FBXO3: variants seen among roughly 807,000 people sequenced by gnomAD.
FBXO3 encodes the protein F-box only protein 3.
FBXO3 carries 17 observed loss-of-function variants against 64.8 expected under a neutral mutation model. The observed-to-expected ratio is 0.26, with a 90% CI of 0.18 to 0.39. The LOEUF (loss-of-function observed/expected upper bound fraction) is 0.39. Ranked by LOEUF, FBXO3 falls within the 10% of genes least tolerant of loss-of-function variation. The pLI is 1.00. For synonymous variants in FBXO3, 182 were observed against 201.6 expected (o/e 0.90, Z 0.82); for missense variants, 420 against 589.9 (o/e 0.71, Z 2.98).
rs1274092456 is a variant in FBXO3, at chr11:33,755,789, T to C, written c.660A>G (p.Glu220=). ...VEAAEGRNKN[E]VFYQCPDQMA... ...TACTTACTGGACATTGGTAGAAAACTTCATTTTTGTTTCGGCCCTCTGCAG... is the reference window on the plus strand; with the variant it reads ...TACTTACTGGACATTGGTAGAAAACCTCATTTTTGTTTCGGCCCTCTGCAG... Residue 220 remains glutamate (E), a synonymous_variant, in exon 5 of 11, where the codon GAA becomes GAG. Coordinates refer to ENST00000265651, the MANE Select transcript of FBXO3 (RefSeq NM_012175.4). 1 of 1,613,946 alleles carries C rather than the reference T, an allele frequency of 6.2e-7. No homozygotes were observed. The highest frequency in any genetic ancestry group is 1.7e-5 in the Admixed American group (1 of 60,026).
chr11:33,745,248 T>C (rs760539217), intron 10 of FBXO3: 4 of 151,352 alleles, frequency 2.6e-5, no homozygotes, highest in Non-Finnish European at 5.9e-5. Context: ...ACTATAATTA[T>C]ATTTGGAGAT....
chr11:33,758,962 A>G (rs1855176649), intron 3 of FBXO3, among the ~76,000 whole-genome samples: 1 of 152,046 alleles, frequency 6.6e-6, no homozygotes, highest in Non-Finnish European at 1.5e-5. Flanking sequence ...GAAGTTCTCT[A>G]AACTGATGTT....
At chr11:33,770,699 C>T (rs1301360338) in intron 2 of FBXO3, 42 bp downstream of exon 2, 1 of 1,494,708 alleles carries the variant, frequency 6.7e-7, no homozygotes, top group African/African-American at 1.4e-5. Flanking sequence ...TGGAAGAAGC[C>T]AAGGGCCAGT....
intron 3 of FBXO3, among the ~76,000 whole-genome samples, chr11:33,761,904 A>G (rs2133613739): frequency 6.6e-6 from 1 of 152,318 alleles, no homozygotes; most frequent in East Asian, 1.9e-4. Context: ...GGAGAGGCAC[A>G]TTGAATCTGA....
chr11:33,746,894 G>T, intron 10 of FBXO3: 2 of 1,422,712 alleles, frequency 1.4e-6, no homozygotes, highest in South Asian at 3.2e-5. Context: ...TTAGGCCACT[G>T]AACAGTGAAA....
At chr11:33,759,909 A>G (rs933983601) in intron 3 of FBXO3, among the ~76,000 whole-genome samples, 1 of 152,208 alleles carries the variant, frequency 6.6e-6, no homozygotes, top group African/African-American at 2.4e-5. Context: ...CTAAAATAAG[A>G]ATACACTGAA....
At chr11:33,752,458 T>C (rs1854985023) in intron 6 of FBXO3, among the ~76,000 whole-genome samples, 1 of 152,238 alleles carries the variant, frequency 6.6e-6, no homozygotes. Flanking sequence ...TTCTACACTC[T>C]GTCACACTGA....
chr11:33,766,367 TG>T (rs559015028), intron 3 of FBXO3, among the ~76,000 whole-genome samples: 71 of 152,350 alleles, frequency 4.7e-4, no homozygotes, highest in Middle Eastern at 3.4e-3. Flanking sequence ...CCTGGCCTGC[TG>T]CCTCCTTGAA....
At position 33,748,851 on chromosome 11, in the gene FBXO3, T is replaced by G; in HGVS notation, c.974A>C (p.Gln325Pro). 6.2e-7 allele frequency: 1 copy of G among 1,613,894 alleles called. No individual in the cohort carries two copies. The highest frequency in any genetic ancestry group is 1.1e-5 in the South Asian group (1 of 91,080). ...TATTCTCCAATAGCGACTGTCCAAC[T>G]GACAGGCCTTCTCAGGAAGTGCATC... ...SKDALPEKAC[Q>P]LDSRYWRITN... Residue 325 changes from glutamine to proline, a missense_variant, in exon 9 of 11, where the codon CAG becomes CCG. By Grantham distance (76) the Gln-to-Pro change is moderately conservative (BLOSUM62 -1). Transcript: ENST00000265651.
At chr11:33,756,382 C>T (rs1231289874) in intron 4 of FBXO3, among the ~76,000 whole-genome samples, 4 of 152,178 alleles carry the variant, frequency 2.6e-5, no homozygotes, top group African/African-American at 9.7e-5. Context: ...TGCAACCAGA[C>T]AGTATAAATG....
chr11:33,746,984 C>G, intron 10 of FBXO3, 146 bp downstream of exon 10: 2 of 1,481,654 alleles, frequency 1.3e-6, no homozygotes, highest in Non-Finnish European at 1.8e-6. Flanking sequence ...TTTCTCTCAA[C>G]AAATTCACAT....
chr11:33,746,523 C>A, intron 10 of FBXO3: 1 of 578,876 alleles, frequency 1.7e-6, no homozygotes, highest in Non-Finnish European at 3.1e-6. Context: ...GATTCAACAC[C>A]TACAACTCAA....
In FBXO3 at chr11:33,755,917, C is replaced by T. The variant is rs754213126; in HGVS notation, c.532G>A (p.Asp178Asn). 1 of 1,614,118 alleles carries T rather than the reference C, an allele frequency of 6.2e-7. No individual in the cohort carries two copies. The highest frequency in any genetic ancestry group is 8.5e-7 in the Non-Finnish European group (1 of 1,180,022). ...TGCTGGAATCCTCCGGCAGCTGTAT[C>T]GACGTCTAACAAATCTTCAGAACGA... is the stretch of plus-strand genomic sequence containing the variant. ...HYRSEDLLDV[D>N]TAAGGFQQRQ... Residue 178 changes from aspartate to asparagine, a missense_variant, in exon 5 of 11, where the codon GAT (aspartate) becomes AAT (asparagine). By Grantham distance (23) the Asp-to-Asn change is conservative (BLOSUM62 1). Around this residue, in one of 3 missense-constraint regions of FBXO3, gnomAD observed 337 missense variants for 518.4 expected, o/e 0.65. Coordinates refer to ENST00000265651, the MANE Select transcript of FBXO3 (RefSeq NM_012175.4).
chr11:33,754,919 G>A (rs1029024831), intron 5 of FBXO3, among the ~76,000 whole-genome samples: 5 of 149,536 alleles, frequency 3.3e-5, no homozygotes, highest in African/African-American at 1.2e-4. Flanking sequence ...AGGCTGGAGT[G>A]CAGTGGCTCG....
intron 4 of FBXO3, among the ~76,000 whole-genome samples, chr11:33,756,427 A>G (rs1855099382): frequency 6.6e-6 from 1 of 152,180 alleles, no homozygotes; most frequent in Non-Finnish European, 1.5e-5. Flanking sequence ...AGTTTCAAAA[A>G]CTTGGATGCC....
At chr11:33,764,951 G>A (rs1003640506) in intron 3 of FBXO3, among the ~76,000 whole-genome samples, 3 of 152,120 alleles carry the variant, frequency 2.0e-5, no homozygotes, top group Non-Finnish European at 4.4e-5. Flanking sequence ...TCCATCCTGA[G>A]TGACCGTCTC....
intron 4 of FBXO3, chr11:33,757,180 A>G: frequency 2.2e-6 from 1 of 450,304 alleles, no homozygotes; most frequent in Non-Finnish European, 4.4e-6. Flanking sequence ...GAACAGTGCA[A>G]AGTTCTCCTT....
Position 33,774,470 on chromosome 11 carries a change from G to A in FBXO3, c.28C>T (p.Pro10Ser), listed in dbSNP as rs142700187. Residue 10 changes from proline to serine, a missense_variant, in exon 1 of 11, where the codon CCG becomes TCG. By Grantham distance (74) the Pro-to-Ser change is moderately conservative. Transcript: ENST00000265651. Reference sequence around the variant, plus strand: ...GTGGGCAGCGACTCTAGGGTCAGCGGCGCCGTCTCGGTCTCCATGGCCGCC... The same window carrying A: ...GTGGGCAGCGACTCTAGGGTCAGCGACGCCGTCTCGGTCTCCATGGCCGCC... MAAMETETAPLTLESLPTDP... is the reference protein window; with the variant it reads MAAMETETASLTLESLPTDP... 191 of 1,586,912 alleles carry A rather than the reference G, an allele frequency of 1.2e-4. No homozygotes were observed. The highest frequency in any genetic ancestry group is 1.5e-4 in the Non-Finnish European group (180 of 1,167,376).
At position 33,748,835 on chromosome 11, in the gene FBXO3, A is replaced by G. The variant is rs779155609; in HGVS notation, c.990T>C (p.Tyr330=). The change falls in exon 9 of 11, where the codon TAT becomes TAC. Residue 330 remains tyrosine, a synonymous_variant. Coordinates refer to ENST00000265651, the MANE Select transcript of FBXO3 (RefSeq NM_012175.4). ...PEKACQLDSR[Y]WRITNAKGDV... is the part of the protein sequence containing the mutation. ...CACCCTTAGCATTTGTTATTCTCCA[A>G]TAGCGACTGTCCAACTGACAGGCCT... The G allele has an allele frequency of 6.3e-5, 102 of 1,613,788 alleles. No homozygotes were observed. In the South Asian group the frequency reaches 1.1e-3, roughly 17 times the overall value.
Sources: allele counts gnomAD v4.1 joint callset (sites outside exome capture counted in the v4.1 genomes callset), GRCh38; gene constraint gnomAD v4.1.1; regional missense constraint gnomAD v4.1.1; transcripts MANE v1.5; gene names NCBI Gene and HGNC (gene_info 2026-07-23, HGNC 2026-07-21).